The following ERN1 variants were observed in gnomAD, a reference collection of about 807,000 sequenced individuals.
ERN1 encodes endoplasmic reticulum to nucleus signaling 1.
A neutral mutation model predicts 113.1 loss-of-function variants in ERN1; 39 were observed. That is an observed-to-expected ratio of 0.34 (90% CI 0.27 to 0.45). ERN1 has a LOEUF of 0.45. ERN1 is among the 20% of genes least tolerant of loss of function. ERN1 has a pLI of 1.00. For synonymous variants in ERN1, 507 were observed against 515.9 expected (o/e 0.98, Z 0.23); for missense variants, 976 against 1,274.8 (o/e 0.77, Z 3.57).
At chr17:64,102,484 A>T (rs1265353503) in intron 1 of ERN1, among the ~76,000 whole-genome samples, 1 of 152,216 alleles carries the variant, frequency 6.6e-6, no homozygotes, top group African/African-American at 2.4e-5. Context: ...AACTCCTGGG[A>T]GCCACTCGGA....
intron 1 of ERN1, among the ~76,000 whole-genome samples, chr17:64,107,277 T>A (rs1276448527): frequency 1.3e-5 from 2 of 152,178 alleles, no homozygotes; most frequent in Non-Finnish European, 2.9e-5. Context: ...TCTTTGAAGT[T>A]ATGTTAAGTA....
intron 1 of ERN1, among the ~76,000 whole-genome samples, chr17:64,106,711 TTC>T: frequency 1.3e-5 from 1 of 78,208 alleles, no homozygotes; most frequent in South Asian, 5.2e-4. Context: ...CCTACAGGGT[TTC>T]TTACACACAC....
Position 64,080,642 on chromosome 17 carries a change from A to G in ERN1, c.209+133T>C. 2.6e-6 allele frequency: 2 copies of G among 775,792 alleles called. 1 individual carries two copies. Among genetic ancestry groups the G allele is most frequent in the Non-Finnish European group, 4.2e-6 (2 of 480,612 alleles). 48.1% of individuals were successfully genotyped at this position (775,792 alleles called of 1,614,324 possible). On this transcript the variant is annotated intron_variant, in intron 3 of 21. Transcript: ENST00000433197. ...ACAAGCTTTCATCATAGCACCTGTA[A>G]GACTTTATATGTCACTCACTGTTAT...
intron 5 of ERN1, among the ~76,000 whole-genome samples, chr17:64,074,608 G>A (rs1006285086): frequency 2.6e-5 from 4 of 152,328 alleles, no homozygotes; most frequent in African/African-American, 4.8e-5. Context: ...GGCTATTATT[G>A]CTACTATGAT....
intron 7 of ERN1, 41 bp downstream of exon 7, chr17:64,068,149 G>A (rs1278528520): frequency 7.0e-7 from 1 of 1,433,376 alleles, no homozygotes. Flanking sequence ...TAGGTCAAAA[G>A]TACTGGCCCA....
At chr17:64,110,418 T>C (rs573444281) in intron 1 of ERN1, among the ~76,000 whole-genome samples, 2 of 152,334 alleles carry the variant, frequency 1.3e-5, no homozygotes, top group South Asian at 4.1e-4. Flanking sequence ...TTATTAACTA[T>C]AGTCACCATG....
intron 1 of ERN1, among the ~76,000 whole-genome samples, chr17:64,115,580 C>T (rs887604138): frequency 6.6e-6 from 1 of 152,232 alleles, no homozygotes; most frequent in Admixed American, 6.5e-5. Flanking sequence ...GCTCAGCTGT[C>T]TTCTCACTCC....
At chr17:64,106,759 C>CACACACACAA (rs1914540939) in intron 1 of ERN1, among the ~76,000 whole-genome samples, 1 of 142,206 alleles carries the variant, frequency 7.0e-6, no homozygotes, top group Admixed American at 6.8e-5. Flanking sequence ...CACACACACA[C>CACACACACAA]ACACAAGCTC....
chr17:64,121,850 C>T lies in ERN1; in HGVS notation c.54+8126G>A, dbSNP rs62073087. On this transcript the variant is annotated intron_variant, in intron 1 of 21. Coordinates refer to ENST00000433197, the MANE Select transcript of ERN1 (RefSeq NM_001433.5). ...GATTTGACTCTACAGTTGAAAATGG[C>T]CAATTTCCTTGATGGAGACTCTCAG... Among the ~76,000 whole-genome samples the T allele has an allele frequency of 6.1e-3, 932 of 152,316 alleles. 4 individuals are homozygous for T. Among genetic ancestry groups the T allele is most frequent in the Non-Finnish European group, 9.0e-3 (611 of 68,032 alleles).
rs1912368224 is a variant in ERN1, at chr17:64,042,388, TGA to T, written c.*1598_*1599del. The T allele has an allele frequency of 1.3e-5, 2 of 152,208 alleles. No homozygotes were observed. Among genetic ancestry groups the T allele is most frequent in the Admixed American group, 6.5e-5 (1 of 15,284 alleles). 9.4% of individuals were successfully genotyped at this position (152,208 alleles called of 1,614,324 possible). A position where few individuals can be genotyped will look rare whatever the true frequency, so the allele number is the denominator to read the frequency against. On this transcript the variant is annotated 3_prime_UTR_variant, in exon 22 of 22. Transcript: ENST00000433197. ...GGAACTGAATTCTACAAAGGCAGAA[TGA>T]GAGCTTTTGATGAGTAACCATGATA...
chr17:64,112,563 A>G (rs1170463111), intron 1 of ERN1, among the ~76,000 whole-genome samples: 1 of 152,180 alleles, frequency 6.6e-6, no homozygotes, highest in African/African-American at 2.4e-5. Context: ...TGTGGTTGTT[A>G]AAAAGGTAGA....
At chr17:64,109,426 T>C (rs1033782274) in intron 1 of ERN1, among the ~76,000 whole-genome samples, 9 of 152,206 alleles carry the variant, frequency 5.9e-5, no homozygotes, top group South Asian at 2.1e-4. Flanking sequence ...AGAAGTACTA[T>C]GAAATACACC....
intron 1 of ERN1, among the ~76,000 whole-genome samples, chr17:64,127,054 T>C (rs192189213): frequency 5.3e-5 from 8 of 152,230 alleles, no homozygotes; most frequent in African/African-American, 1.7e-4. Context: ...GAGCAAGATA[T>C]AGGTCTAGGA....
At position 64,042,128 on chromosome 17, in the gene ERN1, C is replaced by T. The variant is rs1254506943; in HGVS notation, c.*1860G>A. The T allele has an allele frequency of 6.6e-6, 1 of 152,264 alleles. No homozygotes were observed. Among genetic ancestry groups the T allele is most frequent in the African/African-American group, 2.4e-5 (1 of 41,436 alleles). 9.4% of individuals were successfully genotyped at this position (152,264 alleles called of 1,614,324 possible). A position where few individuals can be genotyped will look rare whatever the true frequency, so the allele number is the denominator to read the frequency against. On this transcript the variant is annotated 3_prime_UTR_variant, in exon 22 of 22. Coordinates refer to ENST00000433197, the MANE Select transcript of ERN1 (RefSeq NM_001433.5). ...ACTGCCAAAGCCCACAGGTAAAGCACCTTGCAGCCGTATGGGGAGCTCTGT... is the reference window on the plus strand; with the variant it reads ...ACTGCCAAAGCCCACAGGTAAAGCATCTTGCAGCCGTATGGGGAGCTCTGT...
intron 1 of ERN1, among the ~76,000 whole-genome samples, chr17:64,108,946 A>G (rs1914602534): frequency 6.6e-6 from 1 of 152,138 alleles, no homozygotes. Context: ...AACATGGGGA[A>G]ACCCCGTCTC....
At chr17:64,107,073 T>G (rs2143473963) in intron 1 of ERN1, among the ~76,000 whole-genome samples, 1 of 152,222 alleles carries the variant, frequency 6.6e-6, no homozygotes, top group Non-Finnish European at 1.5e-5. Flanking sequence ...TACCATTTCA[T>G]CACATAGTAG....
intron 1 of ERN1, among the ~76,000 whole-genome samples, chr17:64,127,441 T>A (rs1915109045): frequency 6.6e-6 from 1 of 152,124 alleles, no homozygotes. Context: ...ATTTCACCTA[T>A]CAGGAAGGAG....
chr17:64,097,396 A>C, intron 2 of ERN1, among the ~76,000 whole-genome samples: 1 of 152,228 alleles, frequency 6.6e-6, no homozygotes, highest in East Asian at 1.9e-4. Flanking sequence ...GACGAAAGAG[A>C]ACGATGCTGT....
At chr17:64,099,205 C>T (rs1914314349) in intron 1 of ERN1, among the ~76,000 whole-genome samples, 1 of 151,890 alleles carries the variant, frequency 6.6e-6, no homozygotes, top group African/African-American at 2.4e-5. Context: ...TAGAAAAATG[C>T]TTATATACAT....
Sources: gnomAD v4.1 joint callset for allele counts (sites outside exome capture counted in the v4.1 genomes callset) on GRCh38, gnomAD v4.1.1 for gene constraint, MANE v1.5 for transcripts, NCBI Gene and HGNC (gene_info 2026-07-23, HGNC 2026-07-21) for gene names.